Variants in VWC2 observed in about 807,000 individuals in gnomAD.
VWC2 encodes brorin.
Under a neutral mutation model 29.8 loss-of-function variants are expected in VWC2, and 14 were observed. That is an observed-to-expected ratio of 0.47 (90% CI 0.31 to 0.74). VWC2 has a LOEUF of 0.74. Ranked by LOEUF, VWC2 falls within the 30% of genes least tolerant of loss-of-function variation. VWC2 has a pLI of 0.05. For synonymous variants in VWC2, 213 were observed against 199.0 expected, an observed-to-expected ratio of 1.07 and a Z score of -0.59; for missense variants, 457 against 459.8, an observed-to-expected ratio of 0.99 and a Z score of 0.05.
intron 2 of VWC2, among the ~76,000 whole-genome samples, chr7:49,781,697 G>C (rs574790218): frequency 6.6e-6 from 1 of 152,022 alleles, no homozygotes; most frequent in Admixed American, 6.6e-5. Flanking sequence ...TCAGGTACCC[G>C]GAAAAAGGAA....
At chr7:49,804,937 A>G (rs1175332989) in intron 3 of VWC2, among the ~76,000 whole-genome samples, 1 of 152,146 alleles carries the variant, frequency 6.6e-6, no homozygotes, top group Non-Finnish European at 1.5e-5. Flanking sequence ...ATTTTTTTAG[A>G]GTTTTTCTTT....
chr7:49,910,819 T>G (rs1430936679), intron 3 of VWC2, among the ~76,000 whole-genome samples: 2 of 152,118 alleles, frequency 1.3e-5, no homozygotes, highest in African/African-American at 4.8e-5. Flanking sequence ...CTTCTCAAAG[T>G]GTATCCCCAA....
At chr7:49,778,724 T>C (rs1233173468) in intron 2 of VWC2, among the ~76,000 whole-genome samples, 2 of 152,234 alleles carry the variant, frequency 1.3e-5, no homozygotes, top group Non-Finnish European at 2.9e-5. Context: ...TGGAGATTTG[T>C]CATGATGCTG....
At chr7:49,874,593 GAA>G (rs1170032924) in intron 3 of VWC2, among the ~76,000 whole-genome samples, 3 of 152,118 alleles carry the variant, frequency 2.0e-5, no homozygotes, top group African/African-American at 2.4e-5. Flanking sequence ...TACATGGAGA[GAA>G]AGAGAGAAAT....
At chr7:49,857,496 G>C (rs144218576) in intron 3 of VWC2, among the ~76,000 whole-genome samples, 1 of 152,212 alleles carries the variant, frequency 6.6e-6, no homozygotes, top group South Asian at 2.1e-4. Context: ...TAACATGGGA[G>C]TGTAGATATC....
In VWC2 at chr7:49,830,591, C is replaced by T. The variant is rs150560179; in HGVS notation, c.826+27751C>T. ...TGTGCAAGTTTGTTACATATGTATA[C>T]TTGTGCCATGTTGGTGTGCTGCACC... On this transcript the variant is annotated intron_variant, in intron 3 of 3. Transcript: ENST00000340652. Among the ~76,000 whole-genome samples, 763 of 152,176 alleles carry T rather than the reference C, an allele frequency of 5.0e-3. 7 individuals are homozygous for T. The highest frequency in any genetic ancestry group is 0.017 in the African/African-American group (724 of 41,502).
chr7:49,900,496 A>T (rs1326739026), intron 3 of VWC2, among the ~76,000 whole-genome samples: 1 of 151,778 alleles, frequency 6.6e-6, no homozygotes, highest in East Asian at 1.9e-4. Flanking sequence ...TCCCATGGAC[A>T]TTAAAGGGAT....
chr7:49,867,843 T>TA lies in VWC2; in HGVS notation c.827-44191_827-44190insA, dbSNP rs770916985. Among the ~76,000 whole-genome samples, 1,136 of 141,394 alleles carry TA rather than the reference T, an allele frequency of 8.0e-3. 25 individuals are homozygous for TA. Among genetic ancestry groups the TA allele is most frequent in the African/African-American group, 0.026 (1,076 of 41,128 alleles). The allele number at this position is 141,394 out of a possible 152,430, so 92.8% of individuals were successfully genotyped here. A position where few individuals can be genotyped will look rare whatever the true frequency, so the allele number is the denominator to read the frequency against. ...CTATTTTTTATTTTATTATTTTATT[T>TA]TATTTTTTGAGGTGGAGTCTTGCCC... On this transcript the variant is annotated intron_variant, in intron 3 of 3. Transcript: ENST00000340652.
chr7:49,839,606 CA>C (rs5884132), intron 3 of VWC2, among the ~76,000 whole-genome samples: 20,624 of 141,196 alleles, frequency 0.15, 1,524 homozygotes, highest in South Asian at 0.23. Flanking sequence ...AAACAAGAGC[CA>C]AAAAAAAAAA....
chr7:49,878,624 G>A (rs1255385146), intron 3 of VWC2, among the ~76,000 whole-genome samples: 2 of 152,014 alleles, frequency 1.3e-5, no homozygotes, highest in East Asian at 1.9e-4. Flanking sequence ...GACATTCCAA[G>A]TTGTATATTA....
chr7:49,875,509 G>C (rs1791381698), intron 3 of VWC2, among the ~76,000 whole-genome samples: 1 of 151,894 alleles, frequency 6.6e-6, no homozygotes, highest in African/African-American at 2.4e-5. Context: ...GGAAGCTGGA[G>C]GAGAGCCAGT....
intron 3 of VWC2, among the ~76,000 whole-genome samples, chr7:49,903,352 T>G (rs1792882846): frequency 6.6e-6 from 1 of 152,194 alleles, no homozygotes; most frequent in South Asian, 2.1e-4. Context: ...GCCACTCAGT[T>G]GTTAAATTAT....
intron 3 of VWC2, among the ~76,000 whole-genome samples, chr7:49,908,563 T>G (rs745936719): frequency 5.9e-5 from 9 of 151,940 alleles, no homozygotes; most frequent in Non-Finnish European, 1.0e-4. Flanking sequence ...AAAATGTATG[T>G]GTATGTGTGT....
intron 3 of VWC2, among the ~76,000 whole-genome samples, chr7:49,839,773 C>T (rs913341495): frequency 6.6e-6 from 1 of 152,188 alleles, no homozygotes; most frequent in African/African-American, 2.4e-5. Context: ...AGCCACTTCA[C>T]AAACGGGGCC....
intron 3 of VWC2, among the ~76,000 whole-genome samples, chr7:49,854,511 C>G (rs1790333717): frequency 6.6e-6 from 1 of 152,152 alleles, no homozygotes; most frequent in Non-Finnish European, 1.5e-5. Flanking sequence ...TAAATGTCTT[C>G]TTTTGAGAAG....
rs577132962 is a variant in VWC2 at position 49,818,399 on chromosome 7, C to T, written c.826+15559C>T. On this transcript the variant is annotated intron_variant, in intron 3 of 3. Transcript: ENST00000340652. ...CAGTTGTTTTTTTCTCCAGTTAACT[C>T]ACAAATTTTCTTGTTTTTCCCCATC... is the stretch of plus-strand genomic sequence containing the variant. 7.8e-4 allele frequency among the ~76,000 whole-genome samples: 119 copies of T among 152,260 alleles called. No individual in the cohort carries two copies. The South Asian group carries it at 0.012, about 16-fold the overall frequency.
At position 49,802,954 on chromosome 7, in the gene VWC2, C is replaced by T; in HGVS notation, c.826+114C>T. ...GATACGTGAGTTTCATCCTATGTATCAATACACATGCGTACACACGTGTGT... is the reference window on the plus strand; with the variant it reads ...GATACGTGAGTTTCATCCTATGTATTAATACACATGCGTACACACGTGTGT... On this transcript the variant is annotated intron_variant, in intron 3 of 3. Transcript: ENST00000340652. 2.2e-6 allele frequency: 3 copies of T among 1,378,360 alleles called. No homozygotes were observed. The Admixed American group carries it at 5.8e-5, about 27-fold the overall frequency. 85.4% of individuals were successfully genotyped at this position (1,378,360 alleles called of 1,614,324 possible). A position where few individuals can be genotyped will look rare whatever the true frequency, so the allele number is the denominator to read the frequency against.
intron 2 of VWC2, among the ~76,000 whole-genome samples, chr7:49,793,459 C>T (rs1215551998): frequency 6.6e-6 from 1 of 152,082 alleles, no homozygotes; most frequent in African/African-American, 2.4e-5. Context: ...TACATATATT[C>T]CTGCACTGAT....
At chr7:49,813,306 T>A (rs192646636) in intron 3 of VWC2, among the ~76,000 whole-genome samples, 1 of 152,248 alleles carries the variant, frequency 6.6e-6, no homozygotes, top group Admixed American at 6.5e-5. Context: ...GGACCAGTGA[T>A]TCCCAAAGCC....
Sources: allele counts gnomAD v4.1 joint callset (sites outside exome capture counted in the v4.1 genomes callset), GRCh38; gene constraint gnomAD v4.1.1; transcripts MANE v1.5; gene names NCBI Gene and HGNC (gene_info 2026-07-23, HGNC 2026-07-21).